RPS6KC1: variants seen among roughly 807,000 people sequenced by gnomAD.
RPS6KC1 encodes the protein inactive ribosomal protein S6 kinase delta-1.
A neutral mutation model predicts 103.8 loss-of-function variants in RPS6KC1; 54 were observed. That is an observed-to-expected ratio of 0.52 (90% CI 0.42 to 0.65). The LOEUF (loss-of-function observed/expected upper bound fraction) is 0.65. Ranked by LOEUF, RPS6KC1 falls within the 30% of genes least tolerant of loss-of-function variation. The pLI, the probability that RPS6KC1 is intolerant of heterozygous loss-of-function variation, is 0.00. For synonymous variants in RPS6KC1, 439 were observed against 438.7 expected (o/e 1.00, Z -0.01); for missense variants, 1,151 against 1,253.8 (o/e 0.92, Z 1.24).
chr1:213,510,759 T>C, the RPS6KC1 span, among the ~76,000 whole-genome samples: 2 of 152,194 alleles, frequency 1.3e-5, no homozygotes, highest in Non-Finnish European at 2.9e-5. Flanking sequence ...CCAATTCTTT[T>C]ACTTAACCGT....
At chr1:213,676,902 G>T in the RPS6KC1 span, among the ~76,000 whole-genome samples, 6 of 152,182 alleles carry the variant, frequency 3.9e-5, no homozygotes, top group African/African-American at 1.4e-4. Flanking sequence ...GGCTCCAGTT[G>T]TCACTTTCAA....
At chr1:213,613,096 A>G in the RPS6KC1 span, among the ~76,000 whole-genome samples, 1 of 152,196 alleles carries the variant, frequency 6.6e-6, no homozygotes, top group Non-Finnish European at 1.5e-5. Context: ...CATCCAAGAA[A>G]GCATTTGCTG....
chr1:213,775,971 A>C, the RPS6KC1 span, among the ~76,000 whole-genome samples: 1 of 152,218 alleles, frequency 6.6e-6, no homozygotes, highest in Non-Finnish European at 1.5e-5. Context: ...TTGCTCACCC[A>C]TAAGAAGCAA....
At chr1:213,053,559 T>C (rs1359443426) in intron 1 of RPS6KC1, among the ~76,000 whole-genome samples, 1 of 152,194 alleles carries the variant, frequency 6.6e-6, no homozygotes, top group East Asian at 1.9e-4. Flanking sequence ...TATACTTAAG[T>C]GTGATATAAC....
chr1:213,481,857 G>T, the RPS6KC1 span, among the ~76,000 whole-genome samples: 1 of 152,178 alleles, frequency 6.6e-6, no homozygotes, highest in Admixed American at 6.5e-5. Flanking sequence ...CGTATTGCAG[G>T]TGGGGCCTGG....
chr1:213,732,132 A>T, the RPS6KC1 span, among the ~76,000 whole-genome samples: 1 of 152,170 alleles, frequency 6.6e-6, no homozygotes, highest in African/African-American at 2.4e-5. Flanking sequence ...CAAATACATT[A>T]AAAAAGTTTA....
At chr1:213,195,465 T>TTTTTTTTTTTTTTTTTTTTTG (rs1490836422) in intron 8 of RPS6KC1, among the ~76,000 whole-genome samples, 1 of 152,222 alleles carries the variant, frequency 6.6e-6, no homozygotes, top group Non-Finnish European at 1.5e-5. Context: ...GTCTGTCTTT[T>TTTTTTTTTTTTTTTTTTTTTG]AAAATTATTT....
chr1:213,278,581 G>A (rs115486282), downstream of RPS6KC1, among the ~76,000 whole-genome samples: 336 of 152,280 alleles, frequency 2.2e-3, 2 homozygotes, highest in Non-Finnish European at 3.9e-3. Context: ...TCCCCCGACC[G>A]TATGCTTCTA....
At chr1:213,251,992 A>G (rs896463192) in intron 12 of RPS6KC1, among the ~76,000 whole-genome samples, 3 of 152,212 alleles carry the variant, frequency 2.0e-5, no homozygotes, top group African/African-American at 7.2e-5. Context: ...TATTTATAGA[A>G]TGGTAGTTTT....
the RPS6KC1 span, among the ~76,000 whole-genome samples, chr1:213,734,706 C>A: frequency 2.0e-5 from 3 of 152,208 alleles, no homozygotes; most frequent in African/African-American, 4.8e-5. Context: ...CTATAATGTT[C>A]ATTTCAAATA....
chr1:213,619,213 A>G, the RPS6KC1 span, among the ~76,000 whole-genome samples: 1 of 152,198 alleles, frequency 6.6e-6, no homozygotes. Context: ...TCTCATGATC[A>G]CAAGACAGCT....
chr1:213,823,976 C>A, the RPS6KC1 span, among the ~76,000 whole-genome samples: 1 of 152,128 alleles, frequency 6.6e-6, no homozygotes, highest in Non-Finnish European at 1.5e-5. Flanking sequence ...AGTAAGAGAA[C>A]AGGGCAAATA....
chr1:213,831,264 G>C, the RPS6KC1 span, among the ~76,000 whole-genome samples: 1 of 152,326 alleles, frequency 6.6e-6, no homozygotes, highest in South Asian at 2.1e-4. Context: ...TTAAACTAAA[G>C]ATCTTGAGAT....
chr1:213,762,949 C>T, the RPS6KC1 span, among the ~76,000 whole-genome samples: 8 of 151,496 alleles, frequency 5.3e-5, no homozygotes, highest in Admixed American at 3.9e-4. Context: ...ACAACCTCTG[C>T]CTCCCAGGTT....
At chr1:213,352,037 A>G in the RPS6KC1 span, among the ~76,000 whole-genome samples, 1 of 151,756 alleles carries the variant, frequency 6.6e-6, no homozygotes, top group Non-Finnish European at 1.5e-5. Context: ...TGGGAGATAG[A>G]GTTTTGGGGA....
chr1:213,584,184 G>A, the RPS6KC1 span, among the ~76,000 whole-genome samples: 1 of 152,178 alleles, frequency 6.6e-6, no homozygotes, highest in African/African-American at 2.4e-5. Flanking sequence ...TTCGCCTTCT[G>A]CCATGATTGT....
the RPS6KC1 span, among the ~76,000 whole-genome samples, chr1:213,709,232 G>T: frequency 6.6e-6 from 1 of 152,216 alleles, no homozygotes; most frequent in South Asian, 2.1e-4. Flanking sequence ...TTCAGAACTT[G>T]GTATTGATCT....
chr1:213,236,476 G>T (rs1196357961), intron 10 of RPS6KC1, among the ~76,000 whole-genome samples: 1 of 152,104 alleles, frequency 6.6e-6, no homozygotes. Flanking sequence ...AAATATTCAG[G>T]TGATGTTTAG....
At chr1:213,420,176 A>G in the RPS6KC1 span, among the ~76,000 whole-genome samples, 1 of 152,180 alleles carries the variant, frequency 6.6e-6, no homozygotes, top group Non-Finnish European at 1.5e-5. Flanking sequence ...GTGGCTTCCC[A>G]GGTCCCTTGG....
Sources: allele counts gnomAD v4.1 joint callset (sites outside exome capture counted in the v4.1 genomes callset), GRCh38; gene constraint gnomAD v4.1.1; transcripts MANE v1.5; gene names NCBI Gene and HGNC (gene_info 2026-07-23, HGNC 2026-07-21).